The following CSMD1 variants were observed in gnomAD, a reference collection of about 807,000 sequenced individuals.
CSMD1 encodes CUB and sushi domain-containing protein 1.
CSMD1 carries 213 observed loss-of-function variants against 417.5 expected under a neutral mutation model. That is an observed-to-expected ratio of 0.51 (90% confidence interval 0.46 to 0.57). CSMD1 has a LOEUF of 0.57. CSMD1 is among the 20% of genes least tolerant of loss of function. CSMD1 has a pLI of 0.00. For missense variants in CSMD1, 6,923 were observed against 4,529.7 expected, an observed-to-expected ratio of 1.53 and a Z score of -15.17; for synonymous variants, 2,862 against 1,736.8, an observed-to-expected ratio of 1.65 and a Z score of -16.11.
intron 3 of CSMD1, among the ~76,000 whole-genome samples, chr8:4,090,105 C>G (rs1011948859): frequency 2.0e-5 from 3 of 152,144 alleles, no homozygotes; most frequent in African/African-American, 7.2e-5. Context: ...ACACCTTTTG[C>G]TATGTTTAAC....
chr8:3,288,132 C>G (rs1803292044), intron 25 of CSMD1, among the ~76,000 whole-genome samples: 2 of 147,250 alleles, frequency 1.4e-5, no homozygotes, highest in Admixed American at 6.7e-5. Context: ...TTGAACAAGC[C>G]ATGCATCCCA....
chr8:3,770,945 T>C (rs969183943), intron 5 of CSMD1, among the ~76,000 whole-genome samples: 6 of 152,148 alleles, frequency 3.9e-5, no homozygotes, highest in African/African-American at 1.2e-4. Flanking sequence ...CCGAATTCAA[T>C]AGGAGGTAAG....
intron 41 of CSMD1, among the ~76,000 whole-genome samples, chr8:3,126,838 G>A (rs757368369): frequency 7.2e-5 from 11 of 152,072 alleles, no homozygotes; most frequent in Admixed American, 2.6e-4. Context: ...TCAATGCTTC[G>A]GGAGGACCAG....
intron 12 of CSMD1, among the ~76,000 whole-genome samples, chr8:3,435,212 G>C (rs1268609367): frequency 3.9e-5 from 6 of 152,170 alleles, no homozygotes; most frequent in African/African-American, 1.4e-4. Flanking sequence ...TCAGTCCTCA[G>C]AGCACAGAGC....
At chr8:4,676,088 C>A (rs959251618) in intron 1 of CSMD1, among the ~76,000 whole-genome samples, 4 of 152,106 alleles carry the variant, frequency 2.6e-5, no homozygotes, top group African/African-American at 9.7e-5. Context: ...CGATGATCCC[C>A]CATATTGCTG....
chr8:3,448,736 C>G (rs767130987), intron 12 of CSMD1, among the ~76,000 whole-genome samples: 24 of 152,100 alleles, frequency 1.6e-4, no homozygotes, highest in Admixed American at 2.6e-4. Context: ...CTCCTGCACA[C>G]CACAGAGGGA....
intron 3 of CSMD1, among the ~76,000 whole-genome samples, chr8:4,367,332 C>G (rs1462157473): frequency 1.3e-5 from 2 of 152,090 alleles, no homozygotes; most frequent in African/African-American, 2.4e-5. Flanking sequence ...TCCCCATTGT[C>G]TGATATTGTC....
At chr8:3,771,618 G>C (rs192408490) in intron 5 of CSMD1, among the ~76,000 whole-genome samples, 1 of 152,118 alleles carries the variant, frequency 6.6e-6, no homozygotes, top group Non-Finnish European at 1.5e-5. Flanking sequence ...TCAAGTTGGA[G>C]AAAGGTGACA....
intron 10 of CSMD1, among the ~76,000 whole-genome samples, chr8:3,540,045 C>A (rs750985743): frequency 6.6e-6 from 1 of 152,154 alleles, no homozygotes; most frequent in Admixed American, 6.5e-5. Context: ...CTGCTGTGTG[C>A]ACCACACTGC....
At chr8:4,272,999 T>C (rs187997781) in intron 3 of CSMD1, among the ~76,000 whole-genome samples, 40 of 152,312 alleles carry the variant, frequency 2.6e-4, no homozygotes, top group African/African-American at 8.7e-4. Context: ...AAAACAGCTA[T>C]TGCGTCATGT....
chr8:4,698,536 T>C (rs1807284263), intron 1 of CSMD1, among the ~76,000 whole-genome samples: 2 of 152,026 alleles, frequency 1.3e-5, no homozygotes, highest in South Asian at 4.1e-4. Context: ...TACAGGGAAG[T>C]TTATTTTTGA....
chr8:4,314,797 G>A (rs1018020387), intron 3 of CSMD1, among the ~76,000 whole-genome samples: 1 of 152,138 alleles, frequency 6.6e-6, no homozygotes. Flanking sequence ...CAGCATTTAT[G>A]AATAAAGACC....
At chr8:3,063,849 G>A (rs566567519) in intron 49 of CSMD1, among the ~76,000 whole-genome samples, 1 of 152,298 alleles carries the variant, frequency 6.6e-6, no homozygotes, top group South Asian at 2.1e-4. Context: ...TGTTTAATAT[G>A]TGCAGAGTTT....
In CSMD1 at chr8:3,290,254, G is replaced by C. The variant is rs1262497889; in HGVS notation, c.3951-5908C>G. Among the ~76,000 whole-genome samples, 34 of 147,264 alleles carry C rather than the reference G, an allele frequency of 2.3e-4. 6 individuals carry two copies. The highest frequency in any genetic ancestry group is 8.9e-4 in the African/African-American group (33 of 37,018). On this transcript the variant is annotated intron_variant, in intron 25 of 69. Coordinates refer to ENST00000635120, the MANE Select transcript of CSMD1 (RefSeq NM_033225.6). ...GCCTTGTAGTGTAGTATGAAGTCAG[G>C]TAGCGTGATGCCTCCAGCTTTGTTC...
intron 2 of CSMD1, among the ~76,000 whole-genome samples, chr8:4,627,217 C>G (rs1301877388): frequency 6.6e-6 from 1 of 152,102 alleles, no homozygotes; most frequent in Admixed American, 6.6e-5. Flanking sequence ...AAATCAGCAA[C>G]AGACTTTGCT....
At chr8:4,007,797 A>G (rs562601808) in intron 4 of CSMD1, among the ~76,000 whole-genome samples, 2 of 152,096 alleles carry the variant, frequency 1.3e-5, no homozygotes, top group African/African-American at 2.4e-5. Context: ...ATGACAAAAT[A>G]TATTTAGGGG....
chr8:4,589,988 T>G (rs1799902652), intron 2 of CSMD1, among the ~76,000 whole-genome samples: 2 of 152,240 alleles, frequency 1.3e-5, no homozygotes, highest in Non-Finnish European at 2.9e-5. Flanking sequence ...CTTAAGATAC[T>G]GTCTGTTCTA....
chr8:4,038,257 T>A (rs1445300605), intron 3 of CSMD1, among the ~76,000 whole-genome samples: 1 of 152,098 alleles, frequency 6.6e-6, no homozygotes, highest in Non-Finnish European at 1.5e-5. Flanking sequence ...TAAATAGAAA[T>A]AATTAAGAAT....
intron 3 of CSMD1, among the ~76,000 whole-genome samples, chr8:4,130,425 T>C (rs1023692898): frequency 1.4e-4 from 21 of 152,302 alleles, no homozygotes; most frequent in East Asian, 5.8e-4. Context: ...CTCACCGTCA[T>C]CCTCAGTTTA....
Sources: allele counts gnomAD v4.1 joint callset (sites outside exome capture counted in the v4.1 genomes callset), GRCh38; gene constraint gnomAD v4.1.1; transcripts MANE v1.5; gene names NCBI Gene and HGNC (gene_info 2026-07-23, HGNC 2026-07-21).